MAP4: variants seen among roughly 807,000 people sequenced by gnomAD.
MAP4 encodes the protein microtubule-associated protein 4.
MAP4 carries 76 observed loss-of-function variants against 170.2 expected under a neutral mutation model. That is an observed-to-expected ratio of 0.45 (90% CI 0.37 to 0.54). MAP4 has a LOEUF of 0.54. Among genes scored for constraint, MAP4 ranks in the 20% least tolerant of loss-of-function variants. MAP4 has a pLI of 0.00. For synonymous variants in MAP4, 909 were observed against 994.5 expected, an observed-to-expected ratio of 0.91 and a Z score of 1.62; for missense variants, 2,506 against 2,748.0, an observed-to-expected ratio of 0.91 and a Z score of 1.97.
At chr3:47,897,674 C>T (rs552950678) in intron 10 of MAP4, among the ~76,000 whole-genome samples, 5 of 152,006 alleles carry the variant, frequency 3.3e-5, no homozygotes, top group Non-Finnish European at 5.9e-5. Context: ...AGTAGTGGCT[C>T]ATGCCTGTAA....
chr3:47,941,764 G>A (rs1186462284), intron 3 of MAP4, among the ~76,000 whole-genome samples: 6 of 146,292 alleles, frequency 4.1e-5, no homozygotes, highest in Non-Finnish European at 7.4e-5. Flanking sequence ...TCCAGCCTGG[G>A]CAACAGGGCA....
At chr3:48,076,563 T>C (rs1358399121) in intron 1 of MAP4, among the ~76,000 whole-genome samples, 1 of 148,714 alleles carries the variant, frequency 6.7e-6, no homozygotes, top group Admixed American at 6.7e-5. Flanking sequence ...CCTGTAGTCC[T>C]ACCTACTCAG....
Position 48,083,921 on chromosome 3 carries a change from C to T in MAP4, c.-20+4852G>A, listed in dbSNP as rs1168104645. Among the ~76,000 whole-genome samples, 6 of 148,250 alleles carry T rather than the reference C, an allele frequency of 4.0e-5. No individual in the cohort carries two copies. The Admixed American group carries it at 4.1e-4, about 10-fold the overall frequency. ...TTGTATTTTAGTAGAGACAGGGTTT[C>T]ACCATGTTGGCCAGGCTGGTCTCGA... On this transcript the variant is annotated intron_variant, in intron 1 of 18. Coordinates refer to the MAP4 transcript ENST00000360240.
intron 8 of MAP4, among the ~76,000 whole-genome samples, chr3:47,913,922 T>C (rs1349338775): frequency 1.3e-5 from 2 of 152,186 alleles, no homozygotes; most frequent in African/African-American, 4.8e-5. Flanking sequence ...CACTGAATAA[T>C]CAAACTTTAA....
intron 10 of MAP4, chr3:47,891,672 TATCATGGTCTCTG>T (rs1322588229): frequency 6.5e-7 from 1 of 1,536,234 alleles, no homozygotes; most frequent in Non-Finnish European, 8.7e-7. Flanking sequence ...TCCAACTCCT[TATCATGGTCTCTG>T]ATGTGACAGC....
chr3:47,927,567 G>A (rs1366303047), intron 4 of MAP4, among the ~76,000 whole-genome samples: 1 of 151,872 alleles, frequency 6.6e-6, no homozygotes, highest in East Asian at 1.9e-4. Context: ...CCTCCGCCTC[G>A]CAGGTTCAAG....
Position 48,049,519 on chromosome 3 carries a change from A to G in MAP4, c.-20+39254T>C, listed in dbSNP as rs527995255. On this transcript the variant is annotated intron_variant, in intron 1 of 18. Coordinates refer to the MAP4 transcript ENST00000360240. ...CCTATAGACCCAGCTACTTGGGAGGATGAAGTGGGAAGATCACTTGAGCCC... is the reference window on the plus strand; with the variant it reads ...CCTATAGACCCAGCTACTTGGGAGGGTGAAGTGGGAAGATCACTTGAGCCC... Among the ~76,000 whole-genome samples the G allele has an allele frequency of 4.6e-5, 7 of 152,198 alleles. No homozygotes were observed. In the East Asian group the frequency reaches 1.4e-3, roughly 29 times the overall value.
At chr3:47,985,443 T>A (rs1290904660) in intron 2 of MAP4, among the ~76,000 whole-genome samples, 3 of 152,006 alleles carry the variant, frequency 2.0e-5, no homozygotes, top group African/African-American at 7.3e-5. Flanking sequence ...TGTCTCTAAA[T>A]AAATAAATGC....
At chr3:48,028,771 CAAA>C (rs35837534) in intron 1 of MAP4, among the ~76,000 whole-genome samples, 3 of 142,144 alleles carry the variant, frequency 2.1e-5, no homozygotes, top group African/African-American at 5.3e-5. Context: ...GACTCCTTCT[CAAA>C]AAAAAAAAAA....
At chr3:48,067,062 G>C (rs6780509) in intron 1 of MAP4, among the ~76,000 whole-genome samples, 1 of 151,584 alleles carries the variant, frequency 6.6e-6, no homozygotes, top group East Asian at 1.9e-4. Context: ...GGATGGTCTC[G>C]ATCTTCTGAC....
intron 1 of MAP4, among the ~76,000 whole-genome samples, chr3:48,046,701 A>C (rs897421023): frequency 1.1e-4 from 16 of 152,170 alleles, no homozygotes; most frequent in African/African-American, 2.9e-4. Flanking sequence ...CAGGTTCTAA[A>C]ATCAGACCAC....
rs371475314 is a variant in MAP4 at position 48,063,052 on chromosome 3, T to A, written c.-20+25721A>T. On this transcript the variant is annotated intron_variant, in intron 1 of 18. Coordinates refer to the MAP4 transcript ENST00000360240. ...ATGAACGAAAAGATGTTCAATAACATATGTCATCAGAGAATTGCCAATTAA... is the reference window on the plus strand; with the variant it reads ...ATGAACGAAAAGATGTTCAATAACAAATGTCATCAGAGAATTGCCAATTAA... Among the ~76,000 whole-genome samples, 5 of 150,978 alleles carry A rather than the reference T, an allele frequency of 3.3e-5. No individual in the cohort carries two copies. The East Asian group carries it at 9.7e-4, about 29-fold the overall frequency.
At chr3:47,941,674 C>A (rs1294682030) in intron 3 of MAP4, among the ~76,000 whole-genome samples, 3 of 150,738 alleles carry the variant, frequency 2.0e-5, no homozygotes, top group Non-Finnish European at 3.0e-5. Flanking sequence ...GTAATCCCAG[C>A]TACTCAGGAG....
At chr3:48,031,892 T>C (rs111439219) in intron 1 of MAP4, among the ~76,000 whole-genome samples, 3 of 147,516 alleles carry the variant, frequency 2.0e-5, no homozygotes, top group East Asian at 2.0e-4. Flanking sequence ...CACACACACA[T>C]ACACACACAC....
intron 3 of MAP4, among the ~76,000 whole-genome samples, chr3:47,954,729 C>T (rs1419802555): frequency 6.6e-6 from 1 of 152,318 alleles, no homozygotes; most frequent in East Asian, 1.9e-4. Flanking sequence ...TGTGGCCTAT[C>T]AGTCAAAGTG....
chr3:47,979,881 G>A (rs1578699330), intron 2 of MAP4, among the ~76,000 whole-genome samples: 1 of 152,150 alleles, frequency 6.6e-6, no homozygotes, highest in East Asian at 1.9e-4. Context: ...CTGGAGTGCA[G>A]TAGTGCAATC....
chr3:47,993,639 C>A (rs990455166), intron 2 of MAP4, among the ~76,000 whole-genome samples: 1 of 152,198 alleles, frequency 6.6e-6, no homozygotes, highest in Non-Finnish European at 1.5e-5. Context: ...TGAAGCATTT[C>A]TTTGAAGAAT....
intron 1 of MAP4, chr3:48,039,260 G>C (rs558449960): frequency 6.6e-6 from 1 of 152,524 alleles, no homozygotes; most frequent in South Asian, 2.1e-4. Flanking sequence ...CCCCTCACGA[G>C]AACAGGCCTC....
chr3:47,964,710 A>G (rs1452746361), intron 3 of MAP4, among the ~76,000 whole-genome samples: 1 of 152,180 alleles, frequency 6.6e-6, no homozygotes, highest in Non-Finnish European at 1.5e-5. Flanking sequence ...CAATGTTGAC[A>G]TATTTGTGTA....
Sources: gnomAD v4.1 joint callset for allele counts (sites outside exome capture counted in the v4.1 genomes callset) on GRCh38, gnomAD v4.1.1 for gene constraint, MANE v1.5 for transcripts, NCBI Gene and HGNC (gene_info 2026-07-23, HGNC 2026-07-21) for gene names.